SLC45A4: variants seen among roughly 807,000 people sequenced by gnomAD.
SLC45A4 encodes the protein solute carrier family 45 member 4.
Under a neutral mutation model 63.7 loss-of-function variants are expected in SLC45A4, and 32 were observed. The observed-to-expected ratio is 0.50, with a 90% CI of 0.38 to 0.67. The LOEUF (loss-of-function observed/expected upper bound fraction) is 0.67. SLC45A4 is among the 30% of genes least tolerant of loss of function. SLC45A4 has a pLI of 0.00. For missense variants in SLC45A4, 1,027 were observed against 1,157.7 expected (o/e 0.89, Z 1.64); for synonymous variants, 535 against 510.0 (o/e 1.05, Z -0.66).
At chr8:141,294,692 G>T (rs1393531439) in intron 1 of SLC45A4, among the ~76,000 whole-genome samples, 1 of 152,274 alleles carries the variant, frequency 6.6e-6, no homozygotes, top group African/African-American at 2.4e-5. Flanking sequence ...CCACCAGCCA[G>T]CATGGCAGGA....
chr8:141,221,258 G>A (rs551294128), intron 3 of SLC45A4, among the ~76,000 whole-genome samples: 3 of 152,374 alleles, frequency 2.0e-5, no homozygotes, highest in East Asian at 3.9e-4. Flanking sequence ...ACACCAAGTC[G>A]AAGAAAAGGA....
chr8:141,242,183 A>G (rs1230485791), intron 2 of SLC45A4, among the ~76,000 whole-genome samples: 2 of 152,358 alleles, frequency 1.3e-5, no homozygotes, highest in African/African-American at 4.8e-5. Context: ...CACAGACTCA[A>G]ACTTCACCGT....
At position 141,254,658 on chromosome 8, in the gene SLC45A4, A is replaced by C; in HGVS notation, c.-400-29T>G. On this transcript the variant is annotated intron_variant, in intron 1 of 8. Transcript: ENST00000517878. The surrounding 1 kb of genome is among the most constrained non-coding windows in gnomAD (Gnocchi z 4.5). The stretch of plus-strand genomic sequence containing the variant: ...CAAAAGAGGAAAACAACCCGGCCAG[A>C]GAGTCAGGGGACGGCCACCAGATGG... 1 of 697,196 alleles carries C rather than the reference A, an allele frequency of 1.4e-6. No individual in the cohort carries two copies. Among genetic ancestry groups the C allele is most frequent in the Non-Finnish European group, 2.6e-6 (1 of 381,996 alleles). The allele number at this position is 697,196 out of a possible 1,614,324, so 43.2% of individuals were successfully genotyped here.
chr8:141,287,135 T>C (rs1830177546), intron 1 of SLC45A4, among the ~76,000 whole-genome samples: 1 of 152,160 alleles, frequency 6.6e-6, no homozygotes, highest in African/African-American at 2.4e-5. Context: ...CACGCTTTCA[T>C]TCTACAACTG....
chr8:141,266,595 G>T (rs1053962115), intron 1 of SLC45A4, among the ~76,000 whole-genome samples: 2 of 152,226 alleles, frequency 1.3e-5, no homozygotes, highest in Admixed American at 6.5e-5. Flanking sequence ...CTTCCAGCAT[G>T]AAACCAGTGT....
intron 1 of SLC45A4, among the ~76,000 whole-genome samples, chr8:141,268,492 CA>C (rs1336033435): frequency 6.6e-6 from 1 of 152,172 alleles, no homozygotes; most frequent in African/African-American, 2.4e-5. Context: ...CCACCGTAAT[CA>C]ATGTCCCACT....
intron 2 of SLC45A4, among the ~76,000 whole-genome samples, chr8:141,250,011 C>T (rs1005730276): frequency 1.3e-5 from 2 of 152,240 alleles, no homozygotes; most frequent in South Asian, 4.1e-4. Context: ...AGGTTACTTT[C>T]ATCTGGTGAG....
In SLC45A4 at chr8:141,209,968, C is replaced by G. The variant is rs1278560172; in HGVS notation, c.*1604G>C. On this transcript the variant is annotated 3_prime_UTR_variant, in exon 9 of 9. Coordinates refer to ENST00000517878, the MANE Select transcript of SLC45A4 (RefSeq NM_001286646.2). ...GCCTTCAGATGAGGGTGGGAAGCCTCAGGCAAGGGGTGGCCCCCAGATGAA... is the reference window on the plus strand; with the variant it reads ...GCCTTCAGATGAGGGTGGGAAGCCTGAGGCAAGGGGTGGCCCCCAGATGAA... 6.6e-6 allele frequency: 1 copy of G among 152,274 alleles called. No homozygotes were observed. Among genetic ancestry groups the G allele is most frequent in the Non-Finnish European group, 1.5e-5 (1 of 68,064 alleles). The allele number at this position is 152,274 out of a possible 1,614,324, so 9.4% of individuals were successfully genotyped here. A position where few individuals can be genotyped will look rare whatever the true frequency, so the allele number is the denominator to read the frequency against.
In SLC45A4 at chr8:141,254,307, T is replaced by C; in HGVS notation, c.-78A>G. ...CTTTCATATATCTGTAATGATAAAT[T>C]AAGACGTCTTCTCTTTCTGCTTCTG... is the stretch of plus-strand genomic sequence containing the variant. On this transcript the variant is annotated 5_prime_UTR_variant, in exon 2 of 9. Transcript: ENST00000517878. This position sits in a 1 kb window ranked among gnomAD's most constrained non-coding sequence, Gnocchi z 4.5. The C allele has an allele frequency of 7.2e-7, 1 of 1,385,070 alleles. No homozygotes were observed. Among genetic ancestry groups the C allele is most frequent in the African/African-American group, 1.5e-5 (1 of 68,708 alleles). 85.8% of individuals were successfully genotyped at this position (1,385,070 alleles called of 1,614,324 possible).
At position 141,207,315 on chromosome 8, in the gene SLC45A4, C is replaced by T. The variant is rs1825569845; in HGVS notation, c.*4257G>A. 1 of 152,316 alleles carries T rather than the reference C, an allele frequency of 6.6e-6. No homozygotes were observed. Among genetic ancestry groups the T allele is most frequent in the African/African-American group, 2.4e-5 (1 of 41,438 alleles). The allele number at this position is 152,316 out of a possible 1,614,324, so 9.4% of individuals were successfully genotyped here. ...GGGGCGCGGACAGCAGCGCATGCCA[C>T]AAACATTCACCTGGCAAAGAAACAG... On this transcript the variant is annotated 3_prime_UTR_variant, in exon 9 of 9. Transcript: ENST00000517878.
intron 1 of SLC45A4, among the ~76,000 whole-genome samples, chr8:141,286,204 G>A (rs1830139124): frequency 6.6e-6 from 1 of 152,198 alleles, no homozygotes; most frequent in African/African-American, 2.4e-5. Flanking sequence ...GGTGCCCACA[G>A]CCCCTCCTCG....
intron 2 of SLC45A4, among the ~76,000 whole-genome samples, chr8:141,239,816 G>A (rs921328634): frequency 6.6e-6 from 1 of 152,232 alleles, no homozygotes; most frequent in African/African-American, 2.4e-5. Flanking sequence ...CTCTGCAGGT[G>A]ACTCAGTGCG....
chr8:141,258,893 T>A (rs7017672), intron 1 of SLC45A4, among the ~76,000 whole-genome samples: 42,407 of 146,244 alleles, frequency 0.29, 6,203 homozygotes, highest in East Asian at 0.49. Context: ...CTCTTTTTTT[T>A]AAAAAAAAAA....
In SLC45A4 at chr8:141,217,123, C is replaced by T. The variant is rs780598640; in HGVS notation, c.1696G>A (p.Val566Ile). Residue 566 changes from valine (V) to isoleucine (I), a missense_variant, in exon 6 of 9, where the codon GTC becomes ATC. By Grantham distance (29) the Val-to-Ile change is conservative (BLOSUM62 3). Transcript: ENST00000517878. The part of the protein sequence containing the change: ...AGVKMGCWGL[V>I]IYAATGAICS... Reference sequence around the variant, plus strand: ...ATAGCACCAGTGGCGGCATAAATGACCAGGCCCCAGCAGCCCATCTTGACC... The same window carrying T: ...ATAGCACCAGTGGCGGCATAAATGATCAGGCCCCAGCAGCCCATCTTGACC... 3.1e-6 allele frequency: 5 copies of T among 1,614,016 alleles called. No individual in the cohort carries two copies. Among genetic ancestry groups the T allele is most frequent in the Non-Finnish European group, 4.2e-6 (5 of 1,180,008 alleles).
intron 1 of SLC45A4, among the ~76,000 whole-genome samples, chr8:141,268,556 C>T (rs968066238): frequency 2.6e-5 from 4 of 152,092 alleles, no homozygotes; most frequent in South Asian, 2.1e-4. Context: ...CAGGGGCACA[C>T]GGGAAATCTG....
chr8:141,245,749 G>A (rs1303253798), intron 2 of SLC45A4, among the ~76,000 whole-genome samples: 4 of 152,296 alleles, frequency 2.6e-5, no homozygotes, highest in East Asian at 1.9e-4. Flanking sequence ...GAAGGGAGGG[G>A]CCTCCCAGGG....
chr8:141,229,856 T>A lies in SLC45A4; in HGVS notation c.242-8091A>T, dbSNP rs960186780. On this transcript the variant is annotated intron_variant, in intron 2 of 8. Transcript: ENST00000517878. The surrounding 1 kb of genome is among the most constrained non-coding windows in gnomAD (Gnocchi z 5.0). ...TTTGGAGCAGCTTGGGCTTTGAACG[T>A]GCTGCCCTGCATGTAAAGGGGCACG... Among the ~76,000 whole-genome samples the A allele has an allele frequency of 1.3e-5, 2 of 152,168 alleles. No homozygotes were observed. Among genetic ancestry groups the A allele is most frequent in the Non-Finnish European group, 2.9e-5 (2 of 68,036 alleles).
intron 1 of SLC45A4, among the ~76,000 whole-genome samples, chr8:141,294,749 C>T (rs898645637): frequency 2.0e-5 from 3 of 152,246 alleles, no homozygotes; most frequent in African/African-American, 7.2e-5. Flanking sequence ...AGGGGAGCGG[C>T]GGTGCTGAGC....
rs1221341336 is a variant in SLC45A4, at chr8:141,218,624, G to A, written c.1016C>T (p.Ser339Phe). ...DIEPSIFHDA[S>F]YPATPRSTSQ... ...GGTGCTGCGGGGGGTGGCGGGGTAG[G>A]AGGCGTCGTGGAAGATGGAGGGCTC... The change falls in exon 5 of 9, where the codon TCC becomes TTC. Residue 339 changes from serine to phenylalanine, a missense_variant. Coordinates refer to ENST00000517878, the MANE Select transcript of SLC45A4 (RefSeq NM_001286646.2). The A allele has an allele frequency of 6.2e-7, 1 of 1,613,404 alleles. No individual in the cohort carries two copies. The highest frequency in any genetic ancestry group is 8.5e-7 in the Non-Finnish European group (1 of 1,179,922).
Sources: allele counts gnomAD v4.1 joint callset (sites outside exome capture counted in the v4.1 genomes callset), GRCh38; gene constraint gnomAD v4.1.1; non-coding constraint Gnocchi (gnomAD v3.1); transcripts MANE v1.5; gene names NCBI Gene and HGNC (gene_info 2026-07-23, HGNC 2026-07-21).